TRPM7: variants seen among roughly 807,000 people sequenced by gnomAD.
The protein encoded by TRPM7 is transient receptor potential cation channel subfamily M member 7.
In TRPM7, 134 loss-of-function variants were observed where a neutral mutation model predicts 229.7. The observed-to-expected ratio is 0.58, with a 90% CI of 0.51 to 0.67. The LOEUF is 0.67. TRPM7 is among the 30% of genes least tolerant of loss of function. The pLI is 0.00. For synonymous variants in TRPM7, 699 were observed against 715.2 expected, an observed-to-expected ratio of 0.98 and a Z score of 0.36; for missense variants, 1,901 against 2,210.0, an observed-to-expected ratio of 0.86 and a Z score of 2.80.
chr15:50,583,253 C>A (rs1478047281), intron 28 of TRPM7, 94 bp from the exon 29 acceptor site: 40 of 781,474 alleles, frequency 5.1e-5, no homozygotes, highest in Non-Finnish European at 8.0e-5. Context: ...CACAGTATAA[C>A]CTTCATAAGA....
chr15:50,635,664 CAAAAAAA>C (rs765054880), intron 7 of TRPM7, among the ~76,000 whole-genome samples: 1,157 of 56,554 alleles, frequency 0.02, 30 homozygotes, highest in African/African-American at 0.059. Flanking sequence ...CTCCATCTCC[CAAAAAAA>C]AAAAAAAAAA....
At chr15:50,629,771 TAAATA>T (rs1488412469) in intron 10 of TRPM7, among the ~76,000 whole-genome samples, 1 of 151,124 alleles carries the variant, frequency 6.6e-6, no homozygotes, top group East Asian at 1.9e-4. Context: ...TAAAATGAGA[TAAATA>T]ATGTAAACCA....
At chr15:50,629,118 T>G (rs2060649959) in intron 10 of TRPM7, among the ~76,000 whole-genome samples, 1 of 150,646 alleles carries the variant, frequency 6.6e-6, no homozygotes, top group South Asian at 2.1e-4. Flanking sequence ...ATTATTCAAA[T>G]AGGATGATAT....
intron 19 of TRPM7, among the ~76,000 whole-genome samples, chr15:50,608,491 C>T (rs1407254711): frequency 6.6e-6 from 1 of 152,142 alleles, no homozygotes; most frequent in African/African-American, 2.4e-5. Context: ...CTGTAGTCAC[C>T]CATGTTGGCT....
intron 19 of TRPM7, among the ~76,000 whole-genome samples, chr15:50,609,125 A>T (rs2059995993): frequency 6.6e-6 from 1 of 152,274 alleles, no homozygotes; most frequent in Non-Finnish European, 1.5e-5. Context: ...CAATTAAAGA[A>T]ATAAGCCACA....
At chr15:50,655,817 C>T (rs902516255) in intron 3 of TRPM7, among the ~76,000 whole-genome samples, 5 of 152,116 alleles carry the variant, frequency 3.3e-5, no homozygotes, top group South Asian at 2.1e-4. Context: ...TGGTGAAACC[C>T]CATCTATACT....
intron 1 of TRPM7, among the ~76,000 whole-genome samples, chr15:50,669,927 T>A (rs1392263857): frequency 6.6e-6 from 1 of 152,192 alleles, no homozygotes; most frequent in Non-Finnish European, 1.5e-5. Context: ...CTTGGGACAG[T>A]TTTACTTATT....
At chr15:50,578,687 A>T (rs757181612) in intron 30 of TRPM7, 23 bp from the exon 31 acceptor site, 1 of 1,581,198 alleles carries the variant, frequency 6.3e-7, no homozygotes, top group Non-Finnish European at 8.6e-7. Context: ...CAAAAAATAT[A>T]GTATAAGCTG....
chr15:50,560,334 A>G lies in TRPM7; in HGVS notation c.*1344T>C, dbSNP rs1179956877. On this transcript the variant is annotated 3_prime_UTR_variant, in exon 39 of 39. Coordinates refer to ENST00000646667, the MANE Select transcript of TRPM7 (RefSeq NM_017672.6). ...TTATTTCATTTCTTTTAAAGATTTAATGATATACAAAACGTATATAGTATC... is the reference window on the plus strand; with the variant it reads ...TTATTTCATTTCTTTTAAAGATTTAGTGATATACAAAACGTATATAGTATC... 2.2e-4 allele frequency: 33 copies of G among 152,620 alleles called. 1 individual carries two copies. The highest frequency in any genetic ancestry group is 2.2e-3 in the Admixed American group (33 of 15,286). The allele number at this position is 152,620 out of a possible 1,614,324, so 9.5% of individuals were successfully genotyped here.
intron 8 of TRPM7, 78 bp from the exon 9 acceptor site, chr15:50,633,070 A>G: frequency 1.5e-6 from 2 of 1,291,952 alleles, no homozygotes; most frequent in South Asian, 1.9e-5. Flanking sequence ...AGGTAGATCC[A>G]TGTAAGACCT....
At chr15:50,639,334 A>G (rs2061017016) in intron 6 of TRPM7, 90 bp downstream of exon 6, 1 of 1,136,560 alleles carries the variant, frequency 8.8e-7, no homozygotes, top group African/African-American at 1.6e-5. Context: ...AGTATAATAT[A>G]ATCATAAATA....
intron 1 of TRPM7, among the ~76,000 whole-genome samples, chr15:50,673,790 C>A (rs1202780851): frequency 1.3e-5 from 2 of 152,138 alleles, no homozygotes; most frequent in African/African-American, 2.4e-5. Context: ...CTGGTAGATA[C>A]CCAGTAGTGG....
At chr15:50,609,123 GAAAT>G (rs1208884708) in intron 19 of TRPM7, among the ~76,000 whole-genome samples, 1 of 152,094 alleles carries the variant, frequency 6.6e-6, no homozygotes, top group Admixed American at 6.6e-5. Context: ...TACAATTAAA[GAAAT>G]AAGCCACAGA....
At chr15:50,619,390 T>A (rs973525691) in intron 13 of TRPM7, among the ~76,000 whole-genome samples, 1 of 151,974 alleles carries the variant, frequency 6.6e-6, no homozygotes, top group African/African-American at 2.4e-5. Context: ...CCAGGTAATT[T>A]TTTTAACTTT....
chr15:50,603,240 C>G (rs908074587), intron 21 of TRPM7, among the ~76,000 whole-genome samples: 1 of 151,972 alleles, frequency 6.6e-6, no homozygotes, highest in African/African-American at 2.4e-5. Flanking sequence ...ACCTAAAAAT[C>G]TTGTTTTCAA....
At chr15:50,589,686 G>C in intron 26 of TRPM7, 30 bp from the exon 27 acceptor site, 4 of 1,480,644 alleles carry the variant, frequency 2.7e-6, no homozygotes, top group Non-Finnish European at 3.7e-6. Context: ...GTTGCAATGA[G>C]AAATTTTTAT....
rs2060949960 is a variant in TRPM7, at chr15:50,637,738, T to C, written c.661-145A>G. 6.5e-6 allele frequency: 5 copies of C among 771,376 alleles called. No individual in the cohort carries two copies. In the Admixed American group the frequency reaches 1.6e-4, roughly 25 times the overall value. The allele number at this position is 771,376 out of a possible 1,614,324, so 47.8% of individuals were successfully genotyped here. A position where few individuals can be genotyped will look rare whatever the true frequency, so the allele number is the denominator to read the frequency against. ...TAAATACCAAATGACAAAGAATGTT[T>C]CAAAAAGCGTAAGCTTTTAAGCAGC... On this transcript the variant is annotated intron_variant, in intron 6 of 38. Coordinates refer to ENST00000646667, the MANE Select transcript of TRPM7 (RefSeq NM_017672.6).
rs2061164436 is a variant in TRPM7 at position 50,643,441 on chromosome 15, T to C, written c.434A>G (p.Lys145Arg). The change falls in exon 5 of 39, where the codon AAA becomes AGA. Residue 145 changes from lysine (K) to arginine (R), a missense_variant. Lys to Arg is a conservative substitution (Grantham distance 26). Around this residue, in one of 8 missense-constraint regions of TRPM7, gnomAD observed 794 missense variants for 881.9 expected, o/e 0.90. Transcript: ENST00000646667. ...CTTGATTCGTGGGTGAAGCTCAAATTTCTGCATGCCCCCATGTACAGAGAT... is the reference window on the plus strand; with the variant it reads ...CTTGATTCGTGGGTGAAGCTCAAATCTCTGCATGCCCCCATGTACAGAGAT... Reference protein sequence around the residue: ...LVISVHGGMQKFELHPRIKQL... With the variant: ...LVISVHGGMQRFELHPRIKQL... 6.2e-7 allele frequency: 1 copy of C among 1,614,082 alleles called. No individual in the cohort carries two copies. The highest frequency in any genetic ancestry group is 1.7e-5 in the Admixed American group (1 of 59,986).
At chr15:50,677,036 C>T (rs1376106736) in intron 1 of TRPM7, among the ~76,000 whole-genome samples, 2 of 152,140 alleles carry the variant, frequency 1.3e-5, no homozygotes, top group Non-Finnish European at 1.5e-5. Context: ...CTGTCTTAGT[C>T]GGCTTGGGAT....
Sources: gnomAD v4.1 joint callset for allele counts (sites outside exome capture counted in the v4.1 genomes callset) on GRCh38, gnomAD v4.1.1 for gene constraint, gnomAD v4.1.1 regional missense constraint, MANE v1.5 for transcripts, NCBI Gene and HGNC (gene_info 2026-07-23, HGNC 2026-07-21) for gene names.